The following FUT8 variants were observed in gnomAD, a reference collection of about 807,000 sequenced individuals.
The protein encoded by FUT8 is fucosyltransferase 8.
Under a neutral mutation model 71.3 loss-of-function variants are expected in FUT8, and 29 were observed. The observed-to-expected ratio is 0.41, with a 90% CI of 0.30 to 0.55. The LOEUF is 0.55. Among genes scored for constraint, FUT8 ranks in the 20% least tolerant of loss-of-function variants. The probability of loss-of-function intolerance (pLI) is 0.34; values close to 1 mark genes in which losing one functional copy is unlikely to be tolerated. For synonymous variants in FUT8, 254 were observed against 239.3 expected, an observed-to-expected ratio of 1.06 and a Z score of -0.57; for missense variants, 544 against 702.1, an observed-to-expected ratio of 0.77 and a Z score of 2.55.
At chr14:65,682,184 G>T (rs1485733675) in intron 7 of FUT8, among the ~76,000 whole-genome samples, 2 of 152,164 alleles carry the variant, frequency 1.3e-5, no homozygotes, top group Non-Finnish European at 2.9e-5. Flanking sequence ...TGTGGTTAGT[G>T]ATGTTATTAT....
chr14:65,674,245 A>C (rs1892607326), intron 7 of FUT8, among the ~76,000 whole-genome samples: 1 of 152,182 alleles, frequency 6.6e-6, no homozygotes, highest in South Asian at 2.1e-4. Context: ...CTTATGCTGC[A>C]AAAAATCTTG....
In FUT8 at chr14:65,742,496, C is replaced by G. The variant is rs867037961; in HGVS notation, c.*86C>G. The G allele has an allele frequency of 1.8e-6, 2 of 1,142,440 alleles. No individual in the cohort carries two copies. Among genetic ancestry groups the G allele is most frequent in the South Asian group, 1.6e-5 (1 of 64,236 alleles). 70.8% of individuals were successfully genotyped at this position (1,142,440 alleles called of 1,614,324 possible). A position where few individuals can be genotyped will look rare whatever the true frequency, so the allele number is the denominator to read the frequency against. On this transcript the variant is annotated 3_prime_UTR_variant, in exon 11 of 11. Transcript: ENST00000673929. The stretch of plus-strand genomic sequence containing the variant: ...TCAGCCAAACTGTAGATGAAGAGGG[C>G]TCTGATCTAACAAAATAAGGTTATA...
rs1236278008 is a variant in FUT8, at chr14:65,726,404, T to C, written c.1259+2081T>C. Among the ~76,000 whole-genome samples the C allele has an allele frequency of 8.5e-5, 13 of 152,294 alleles. 1 individual carries two copies. In the East Asian group the frequency reaches 2.5e-3, roughly 29 times the overall value. ...TACAAAAGTAAGAGGTTTAATAGAC[T>C]TACAGTTCCACATCCCTGGTGGGGC... On this transcript the variant is annotated intron_variant, in intron 9 of 10. Coordinates refer to ENST00000673929, the MANE Select transcript of FUT8 (RefSeq NM_001371533.1).
chr14:65,466,864 G>A (rs1019831067), intron 2 of FUT8, among the ~76,000 whole-genome samples: 5 of 152,164 alleles, frequency 3.3e-5, no homozygotes, highest in Admixed American at 2.6e-4. Flanking sequence ...CACTTCATGG[G>A]TAGTGCAAAT....
chr14:65,693,639 A>G (rs1381986232), intron 7 of FUT8, among the ~76,000 whole-genome samples: 2 of 152,216 alleles, frequency 1.3e-5, no homozygotes, highest in African/African-American at 2.4e-5. Flanking sequence ...AATGAGAGCT[A>G]TTAGTCTGTT....
At chr14:65,689,714 T>C (rs1204194984) in intron 7 of FUT8, among the ~76,000 whole-genome samples, 1 of 152,174 alleles carries the variant, frequency 6.6e-6, no homozygotes. Context: ...AATTGTTGTA[T>C]TTTTAGTAGA....
intron 2 of FUT8, among the ~76,000 whole-genome samples, chr14:65,559,668 C>T (rs757983441): frequency 3.2e-4 from 49 of 152,010 alleles, no homozygotes; most frequent in African/African-American, 1.2e-3. Flanking sequence ...GCTGACGTAC[C>T]GAATTGAATC....
At chr14:65,488,783 T>C (rs932040680) in intron 2 of FUT8, among the ~76,000 whole-genome samples, 1 of 152,188 alleles carries the variant, frequency 6.6e-6, no homozygotes, top group Non-Finnish European at 1.5e-5. Flanking sequence ...ATAGGCCTAT[T>C]CAGGAAAGTG....
At chr14:65,573,956 G>A (rs1351390520) in intron 3 of FUT8, among the ~76,000 whole-genome samples, 1 of 152,130 alleles carries the variant, frequency 6.6e-6, no homozygotes, top group Non-Finnish European at 1.5e-5. Context: ...CTGTGGATTA[G>A]GAGTTCTTGC....
intron 9 of FUT8, among the ~76,000 whole-genome samples, chr14:65,724,980 A>T (rs1336137350): frequency 6.6e-6 from 1 of 152,174 alleles, no homozygotes; most frequent in Non-Finnish European, 1.5e-5. Context: ...AATTTGTGCG[A>T]ATGTAAACGT....
chr14:65,691,715 G>C (rs548111285), intron 7 of FUT8, among the ~76,000 whole-genome samples: 3 of 151,848 alleles, frequency 2.0e-5, no homozygotes, highest in African/African-American at 7.3e-5. Flanking sequence ...AGTGAACAAA[G>C]GTCTCTGGTT....
intron 2 of FUT8, among the ~76,000 whole-genome samples, chr14:65,502,315 C>T (rs1423843619): frequency 1.3e-5 from 2 of 151,944 alleles, no homozygotes; most frequent in African/African-American, 2.4e-5. Flanking sequence ...ATCTCCACCC[C>T]CCAGGTTCAA....
At chr14:65,381,926 G>A in the FUT8 span, among the ~76,000 whole-genome samples, 14 of 152,122 alleles carry the variant, frequency 9.2e-5, no homozygotes, top group African/African-American at 1.7e-4. Context: ...TCTTGAAAGA[G>A]TAGTCTACAC....
chr14:65,398,153 A>G, the FUT8 span, among the ~76,000 whole-genome samples: 2 of 152,158 alleles, frequency 1.3e-5, no homozygotes, highest in African/African-American at 4.8e-5. Flanking sequence ...AAGGACCTCC[A>G]GACATTATAT....
intron 6 of FUT8, among the ~76,000 whole-genome samples, chr14:65,657,036 A>G (rs922154418): frequency 5.3e-5 from 8 of 152,328 alleles, no homozygotes; most frequent in Middle Eastern, 3.4e-3. Flanking sequence ...ACCTCATACT[A>G]TGAAACTACT....
chr14:65,658,171 C>A (rs888830105), intron 6 of FUT8, among the ~76,000 whole-genome samples: 1 of 151,842 alleles, frequency 6.6e-6, no homozygotes, highest in South Asian at 2.1e-4. Flanking sequence ...GACGGCTATG[C>A]AAAAGACATA....
chr14:65,526,366 C>G (rs1264172013), intron 2 of FUT8, among the ~76,000 whole-genome samples: 1 of 152,124 alleles, frequency 6.6e-6, no homozygotes, highest in African/African-American at 2.4e-5. Flanking sequence ...TCTGTTTTAT[C>G]AGAGAGTAGG....
chr14:65,474,152 T>C (rs1215319334), intron 2 of FUT8, among the ~76,000 whole-genome samples: 2 of 151,186 alleles, frequency 1.3e-5, no homozygotes, highest in African/African-American at 4.9e-5. Flanking sequence ...GCGGGGAGAA[T>C]AGGAAGAAGA....
At chr14:65,523,586 C>T (rs1883233838) in intron 2 of FUT8, among the ~76,000 whole-genome samples, 1 of 152,122 alleles carries the variant, frequency 6.6e-6, no homozygotes, top group Non-Finnish European at 1.5e-5. Context: ...TAATTAGATC[C>T]CATTTGTCAA....
Sources: allele counts gnomAD v4.1 joint callset (sites outside exome capture counted in the v4.1 genomes callset), GRCh38; gene constraint gnomAD v4.1.1; transcripts MANE v1.5; gene names NCBI Gene and HGNC (gene_info 2026-07-23, HGNC 2026-07-21).